Variants in TMPRSS15 observed in about 807,000 individuals in gnomAD.
TMPRSS15 encodes the protein enteropeptidase.
A neutral mutation model predicts 125.3 loss-of-function variants in TMPRSS15; 128 were observed. The observed-to-expected ratio is 1.02, with a 90% CI of 0.89 to 1.18. TMPRSS15 has a LOEUF of 1.18. TMPRSS15 is among the 50% of genes most tolerant of loss of function. TMPRSS15 has a pLI of 0.00. For synonymous variants in TMPRSS15, 446 were observed against 423.2 expected (o/e 1.05, Z -0.66); for missense variants, 1,283 against 1,212.7 (o/e 1.06, Z -0.86).
intron 1 of TMPRSS15, among the ~76,000 whole-genome samples, chr21:18,453,850 A>C (rs1035921024): frequency 5.9e-5 from 9 of 152,220 alleles, no homozygotes; most frequent in African/African-American, 7.2e-5. Flanking sequence ...TTGAGACAAC[A>C]TGGATTAACT....
intron 3 of TMPRSS15, 23 bp from the exon 4 acceptor site, chr21:18,383,801 A>G (rs1465586955): frequency 1.9e-6 from 3 of 1,609,524 alleles, no homozygotes; most frequent in South Asian, 2.2e-5. Context: ...AGAGGATATA[A>G]GAGGAAAAAG....
chr21:18,353,830 C>G lies in TMPRSS15; in HGVS notation c.914G>C (p.Arg305Thr). ...GGCAGTAACTTGGTTGGAAAAAATT[C>G]TTATTGTGCCAGGATTAGTTTCCCA... ...SIWETNPGTI[R>T]IFSNQVTATF... The change falls in exon 9 of 25, where the codon AGA becomes ACA. Residue 305 changes from arginine (R) to threonine (T), a missense_variant. Transcript: ENST00000284885. The G allele has an allele frequency of 6.2e-7, 1 of 1,611,472 alleles. No homozygotes were observed. The highest frequency in any genetic ancestry group is 8.5e-7 in the Non-Finnish European group (1 of 1,178,200).
chr21:18,382,317 A>G (rs1269466140), intron 4 of TMPRSS15, among the ~76,000 whole-genome samples: 1 of 152,166 alleles, frequency 6.6e-6, no homozygotes, highest in Non-Finnish European at 1.5e-5. Flanking sequence ...AGCTCATCTG[A>G]ATCAAAGATT....
At chr21:18,352,609 G>C (rs1047636584) in intron 10 of TMPRSS15, among the ~76,000 whole-genome samples, 3 of 151,906 alleles carry the variant, frequency 2.0e-5, no homozygotes, top group Admixed American at 1.3e-4. Context: ...AATCTACTTA[G>C]TTAATAATAA....
intron 13 of TMPRSS15, among the ~76,000 whole-genome samples, chr21:18,334,709 C>A (rs2146973311): frequency 6.6e-6 from 1 of 152,250 alleles, no homozygotes; most frequent in East Asian, 1.9e-4. Flanking sequence ...ACACAGCCAC[C>A]TAGTGTCAAA....
intron 7 of TMPRSS15, among the ~76,000 whole-genome samples, 189 bp from the exon 8 acceptor site, chr21:18,360,052 A>T (rs1281721518): frequency 6.6e-6 from 1 of 151,896 alleles, no homozygotes; most frequent in Non-Finnish European, 1.5e-5. Flanking sequence ...GATCTCTAGA[A>T]CTCTTTCAGG....
intron 1 of TMPRSS15, among the ~76,000 whole-genome samples, chr21:18,440,372 C>CAAAAAAAAAAAAAAAAAAAA (rs539968323): frequency 1.3e-4 from 6 of 47,422 alleles, no homozygotes; most frequent in African/African-American, 3.3e-4. Context: ...AACTCCGTCT[C>CAAAAAAAAAAAAAAAAAAAA]AAAAAAAAAA....
intron 5 of TMPRSS15, among the ~76,000 whole-genome samples, chr21:18,376,230 A>G (rs2123026251): frequency 6.6e-6 from 1 of 152,154 alleles, no homozygotes; most frequent in South Asian, 2.1e-4. Flanking sequence ...ATTGTAAGCA[A>G]GACTATGTCT....
At chr21:18,402,484 G>T (rs1300269381) in intron 1 of TMPRSS15, among the ~76,000 whole-genome samples, 1 of 141,308 alleles carries the variant, frequency 7.1e-6, no homozygotes, top group Non-Finnish European at 1.5e-5. Context: ...AGCCGAGATC[G>T]TGCCACTGCA....
At chr21:18,355,036 T>C (rs554841049) in intron 8 of TMPRSS15, among the ~76,000 whole-genome samples, 4 of 151,986 alleles carry the variant, frequency 2.6e-5, no homozygotes, top group African/African-American at 7.2e-5. Flanking sequence ...TTGATTCACA[T>C]CTTAATGTTT....
intron 18 of TMPRSS15, among the ~76,000 whole-genome samples, chr21:18,304,631 A>T (rs757167148): frequency 6.6e-6 from 1 of 152,194 alleles, no homozygotes; most frequent in Non-Finnish European, 1.5e-5. Context: ...TGGTCACCAA[A>T]ATGAACTGCA....
intron 1 of TMPRSS15, among the ~76,000 whole-genome samples, chr21:18,483,302 A>T (rs1171339384): frequency 6.6e-6 from 1 of 151,728 alleles, no homozygotes; most frequent in East Asian, 1.9e-4. Flanking sequence ...ATTGCTATTT[A>T]TTATTTTTCC....
intron 3 of TMPRSS15, among the ~76,000 whole-genome samples, chr21:18,389,623 T>A (rs1283317281): frequency 6.6e-6 from 1 of 152,134 alleles, no homozygotes; most frequent in South Asian, 2.1e-4. Flanking sequence ...CAGGCCTATA[T>A]ATAAAAGTCT....
intron 1 of TMPRSS15, among the ~76,000 whole-genome samples, chr21:18,419,888 A>C (rs1337566140): frequency 6.6e-6 from 1 of 152,230 alleles, no homozygotes; most frequent in East Asian, 1.9e-4. Context: ...TTTCCCAGAT[A>C]CAATTGTTCT....
chr21:18,385,287 C>T (rs1305356608), intron 3 of TMPRSS15, among the ~76,000 whole-genome samples: 7 of 152,274 alleles, frequency 4.6e-5, no homozygotes, highest in African/African-American at 1.4e-4. Flanking sequence ...TGATACATTT[C>T]GTCACAGACA....
Position 18,444,134 on chromosome 21 carries a change from A to G in TMPRSS15, c.10+41665T>C, listed in dbSNP as rs564018091. 9.2e-5 allele frequency among the ~76,000 whole-genome samples: 14 copies of G among 152,282 alleles called. No homozygotes were observed. The South Asian group carries it at 2.7e-3, about 29-fold the overall frequency. ...CACCTGCTAGGGCTTCCAGCCTCGT[A>G]GTCCTACTTCAGCCTGAATTTGCCA... On this transcript the variant is annotated intron_variant, in intron 1 of 7. Transcript: ENST00000422787.
At chr21:18,400,345 C>G (rs559119144) in intron 1 of TMPRSS15, among the ~76,000 whole-genome samples, 1 of 152,058 alleles carries the variant, frequency 6.6e-6, no homozygotes, top group Non-Finnish European at 1.5e-5. Context: ...GCTATAGTAA[C>G]TAAAACAGCA....
rs1395113356 is a variant in TMPRSS15 at position 18,315,256 on chromosome 21, T to A, written c.1922A>T (p.Glu641Val). The change falls in exon 17 of 25, where the codon GAG (glutamate) becomes GTG (valine). Residue 641 changes from glutamate to valine, a missense_variant and splice_region_variant. By Grantham distance (121) the Glu-to-Val change is moderately radical. Transcript: ENST00000284885. Reference protein sequence around the residue: ...FTTGYHLGIPEPCKADHFQCK... With the variant: ...FTTGYHLGIPVPCKADHFQCK... ...TTGAAAATGGTCTGCCTTGCATGGC[T>A]CTATGGGGAAAGAATGTTTATTGTA... 1 of 1,608,884 alleles carries A rather than the reference T, an allele frequency of 6.2e-7. No homozygotes were observed. The highest frequency in any genetic ancestry group is 8.5e-7 in the Non-Finnish European group (1 of 1,176,110).
At chr21:18,299,167 C>T (rs1035701649) in intron 18 of TMPRSS15, among the ~76,000 whole-genome samples, 7 of 152,120 alleles carry the variant, frequency 4.6e-5, no homozygotes, top group Non-Finnish European at 8.8e-5. Context: ...TTATGCTATT[C>T]CACCAAGTGG....
Sources: gnomAD v4.1 joint callset for allele counts (sites outside exome capture counted in the v4.1 genomes callset) on GRCh38, gnomAD v4.1.1 for gene constraint, MANE v1.5 for transcripts, NCBI Gene and HGNC (gene_info 2026-07-23, HGNC 2026-07-21) for gene names.